The following APPBP2 variants were observed in gnomAD, a reference collection of about 807,000 sequenced individuals.
The protein encoded by APPBP2 is amyloid protein-binding protein 2.
Under a neutral mutation model 76.0 loss-of-function variants are expected in APPBP2, and 15 were observed. That is an observed-to-expected ratio of 0.20 (90% CI 0.13 to 0.30). The LOEUF (loss-of-function observed/expected upper bound fraction) is 0.30. Among genes scored for constraint, APPBP2 ranks in the 10% least tolerant of loss-of-function variants. APPBP2 has a pLI of 1.00. For missense variants in APPBP2, 401 were observed against 687.2 expected, an observed-to-expected ratio of 0.58 and a Z score of 4.66; for synonymous variants, 222 against 242.2, an observed-to-expected ratio of 0.92 and a Z score of 0.77.
intron 2 of APPBP2, among the ~76,000 whole-genome samples, chr17:60,495,132 GTGTCACCA>G (rs72394074): frequency 0.082 from 12,392 of 151,454 alleles, 1,661 homozygotes; most frequent in African/African-American, 0.28. Flanking sequence ...CTACAGGTAC[GTGTCACCA>G]TGCCCAACTA....
Position 60,503,224 on chromosome 17 carries a change from G to T in APPBP2, c.139-2737C>A, listed in dbSNP as rs191196360. On this transcript the variant is annotated intron_variant, in intron 1 of 12. Transcript: ENST00000083182. The stretch of plus-strand genomic sequence containing the variant: ...GACAAGGTTTCAACATGTTAGCCAG[G>T]ATGGTCTCGATTTCTTGACCTCATG... Among the ~76,000 whole-genome samples, 26 of 145,284 alleles carry T rather than the reference G, an allele frequency of 1.8e-4. No homozygotes were observed. In the East Asian group the frequency reaches 4.7e-3, roughly 26 times the overall value.
At chr17:60,469,045 G>T (rs1391913273) in intron 4 of APPBP2, among the ~76,000 whole-genome samples, 8 of 152,074 alleles carry the variant, frequency 5.3e-5, no homozygotes, top group Admixed American at 3.9e-4. Flanking sequence ...TCTCCTTCTT[G>T]TAAGTGTCTT....
At chr17:60,480,392 C>A (rs1391143717) in intron 3 of APPBP2, among the ~76,000 whole-genome samples, 2 of 152,068 alleles carry the variant, frequency 1.3e-5, no homozygotes, top group African/African-American at 2.4e-5. Flanking sequence ...ACAACAACAA[C>A]AAAACTCTGA....
At chr17:60,517,561 G>T (rs2090973099) in intron 1 of APPBP2, among the ~76,000 whole-genome samples, 2 of 152,178 alleles carry the variant, frequency 1.3e-5, no homozygotes, top group Admixed American at 1.3e-4. Context: ...ACTTTTGTGT[G>T]TGGTGTGAGG....
chr17:60,480,881 G>GT (rs1339705097), intron 3 of APPBP2, among the ~76,000 whole-genome samples: 1 of 152,160 alleles, frequency 6.6e-6, no homozygotes, highest in Non-Finnish European at 1.5e-5. Flanking sequence ...TCTCCTTCCT[G>GT]TATCTGTTAG....
chr17:60,481,449 CTGA>C (rs781261095), intron 3 of APPBP2, among the ~76,000 whole-genome samples: 48 of 152,066 alleles, frequency 3.2e-4, no homozygotes, highest in Non-Finnish European at 5.9e-4. Flanking sequence ...ATTTTTTATG[CTGA>C]TAATTGATTT....
chr17:60,448,114 AAAG>A (rs2090364503), intron 12 of APPBP2, among the ~76,000 whole-genome samples: 1 of 152,236 alleles, frequency 6.6e-6, no homozygotes, highest in South Asian at 2.1e-4. Flanking sequence ...AAGAGATCTC[AAAG>A]AAGAATGGCA....
intron 3 of APPBP2, among the ~76,000 whole-genome samples, chr17:60,486,130 A>G (rs1440429713): frequency 6.6e-6 from 1 of 152,168 alleles, no homozygotes; most frequent in Non-Finnish European, 1.5e-5. Flanking sequence ...TATGTGGTCA[A>G]TTTTGGAATA....
At chr17:60,463,843 G>A (rs1319041037) in intron 6 of APPBP2, among the ~76,000 whole-genome samples, 178 bp downstream of exon 6, 3 of 152,176 alleles carry the variant, frequency 2.0e-5, no homozygotes, top group African/African-American at 4.8e-5. Context: ...AAAAATCTAT[G>A]TGTGATATAG....
In APPBP2 at chr17:60,446,229, G is replaced by T. The variant is rs78927136; in HGVS notation, c.*1352C>A. The T allele has an allele frequency of 2.2e-4, 33 of 152,652 alleles. No homozygotes were observed. The East Asian group carries it at 5.0e-3, about 23-fold the overall frequency. The allele number at this position is 152,652 out of a possible 1,614,324, so 9.5% of individuals were successfully genotyped here. On this transcript the variant is annotated 3_prime_UTR_variant, in exon 13 of 13. Coordinates refer to ENST00000083182, the MANE Select transcript of APPBP2 (RefSeq NM_006380.5). ...ATGGGCTACTACAGTAAGAATTGAG[G>T]TAACAGCAAAATACCTTTTTGTTTC...
intron 4 of APPBP2, among the ~76,000 whole-genome samples, chr17:60,470,573 T>TATTA (rs1052947066): frequency 2.6e-5 from 4 of 151,794 alleles, no homozygotes; most frequent in African/African-American, 4.8e-5. Context: ...GCCTGCTCTT[T>TATTA]ATTAATTAAT....
intron 3 of APPBP2, among the ~76,000 whole-genome samples, chr17:60,490,048 AAAC>A (rs1405692505): frequency 2.6e-5 from 4 of 152,070 alleles, no homozygotes; most frequent in African/African-American, 9.7e-5. Flanking sequence ...AAACAAAACA[AAAC>A]AAAACAAAAC....
intron 5 of APPBP2, chr17:60,465,250 T>C (rs1187253858): frequency 6.6e-6 from 1 of 152,186 alleles, no homozygotes; most frequent in Non-Finnish European, 1.5e-5. Flanking sequence ...AGCGTAGGTA[T>C]AATGTTAAGA....
chr17:60,502,623 G>T lies in APPBP2; in HGVS notation c.139-2136C>A, dbSNP rs145888249. 3.3e-3 allele frequency among the ~76,000 whole-genome samples: 479 copies of T among 146,694 alleles called. 23 individuals carry two copies. The East Asian group carries it at 0.052, about 16-fold the overall frequency. ...AATCCCAGCACTTTGGGAGGCCAAG[G>T]GGGGGTGGATCAGCTGAGGTCAACA... On this transcript the variant is annotated intron_variant, in intron 1 of 12. Transcript: ENST00000083182.
chr17:60,448,458 G>A (rs999524109), intron 12 of APPBP2, among the ~76,000 whole-genome samples: 10 of 152,246 alleles, frequency 6.6e-5, no homozygotes, highest in East Asian at 3.9e-4. Flanking sequence ...GAGAGACTCC[G>A]TCTCAAAAAA....
At chr17:60,481,249 C>T (rs2090626170) in intron 3 of APPBP2, among the ~76,000 whole-genome samples, 1 of 152,164 alleles carries the variant, frequency 6.6e-6, no homozygotes, top group South Asian at 2.1e-4. Context: ...CCATAATACC[C>T]TACTGTTCCC....
chr17:60,447,748 C>T lies in APPBP2; in HGVS notation c.1591G>A (p.Glu531Lys). 6.2e-7 allele frequency: 1 copy of T among 1,613,838 alleles called. No homozygotes were observed. The highest frequency in any genetic ancestry group is 8.5e-7 in the Non-Finnish European group (1 of 1,180,006). The part of the protein sequence containing the change: ...IKLYNSIGNY[E>K]KVFEYHNVLS... ...ACATTGTGATATTCAAACACTTTCT[C>T]GTAATTTCCAATGGAGTTGTAAAGT... is the stretch of plus-strand genomic sequence containing the variant. Residue 531 changes from glutamate to lysine, a missense_variant, in exon 13 of 13, where the codon GAG (glutamate) becomes AAG (lysine). Glu to Lys is a moderately conservative substitution (Grantham distance 56). Around this residue, in one of 5 missense-constraint regions of APPBP2, gnomAD observed 56 missense variants for 76.5 expected, o/e 0.73. Transcript: ENST00000083182.
rs535325245 is a variant in APPBP2, at chr17:60,502,918, T to C, written c.139-2431A>G. Among the ~76,000 whole-genome samples the C allele has an allele frequency of 2.7e-5, 4 of 146,750 alleles. 1 individual carries two copies. Among genetic ancestry groups the C allele is most frequent in the African/African-American group, 5.5e-5 (2 of 36,242 alleles). Reference sequence around the variant, plus strand: ...TACTTTGCCTAAAAACAAAATTTTATGTTATCTTACAATTCACTGCATTCC... The same window carrying C: ...TACTTTGCCTAAAAACAAAATTTTACGTTATCTTACAATTCACTGCATTCC... On this transcript the variant is annotated intron_variant, in intron 1 of 12. Transcript: ENST00000083182.
At chr17:60,523,149 T>C (rs1315043936) in intron 1 of APPBP2, among the ~76,000 whole-genome samples, 4 of 152,126 alleles carry the variant, frequency 2.6e-5, no homozygotes, top group Non-Finnish European at 5.9e-5. Context: ...GCAAGAGAGA[T>C]GTAATTATGA....
Sources: gnomAD v4.1 joint callset for allele counts (sites outside exome capture counted in the v4.1 genomes callset) on GRCh38, gnomAD v4.1.1 for gene constraint, gnomAD v4.1.1 regional missense constraint, MANE v1.5 for transcripts, NCBI Gene and HGNC (gene_info 2026-07-23, HGNC 2026-07-21) for gene names.